The following ITPR2 variants were observed in gnomAD, a reference collection of about 807,000 sequenced individuals.
ITPR2 encodes the protein inositol 1,4,5-trisphosphate-gated calcium channel ITPR2.
ITPR2 carries 207 observed loss-of-function variants against 317.1 expected under a neutral mutation model. That is an observed-to-expected ratio of 0.65 (90% CI 0.58 to 0.73). The LOEUF (loss-of-function observed/expected upper bound fraction) is 0.73. Among genes scored for constraint, ITPR2 ranks in the 30% least tolerant of loss-of-function variants. The pLI is 0.00. For synonymous variants in ITPR2, 1,156 were observed against 1,149.1 expected (o/e 1.01, Z -0.12); for missense variants, 2,613 against 3,284.0 (o/e 0.80, Z 4.99).
At chr12:26,697,835 A>T (rs1347015244) in intron 9 of ITPR2, among the ~76,000 whole-genome samples, 2 of 151,022 alleles carry the variant, frequency 1.3e-5, no homozygotes, top group Non-Finnish European at 1.5e-5. Flanking sequence ...CTAAAATAAC[A>T]ATATAAATAA....
At chr12:26,670,067 A>C (rs1005308238) in intron 13 of ITPR2, among the ~76,000 whole-genome samples, 1 of 152,230 alleles carries the variant, frequency 6.6e-6, no homozygotes, top group African/African-American at 2.4e-5. Flanking sequence ...GGTGAAGCCC[A>C]CCACAGCTCA....
chr12:26,645,474 G>A (rs1432394979), intron 21 of ITPR2, among the ~76,000 whole-genome samples: 4 of 152,164 alleles, frequency 2.6e-5, no homozygotes, highest in Non-Finnish European at 5.9e-5. Context: ...GTAAGTGTGG[G>A]GAACATGGTA....
intron 2 of ITPR2, among the ~76,000 whole-genome samples, chr12:26,768,200 C>T (rs1330540966): frequency 6.7e-6 from 1 of 148,894 alleles, no homozygotes; most frequent in African/African-American, 2.5e-5. Flanking sequence ...TGTAACAAAC[C>T]TGCATATTAT....
chr12:26,405,544 C>T (rs1427131685), intron 52 of ITPR2, among the ~76,000 whole-genome samples: 1 of 152,070 alleles, frequency 6.6e-6, no homozygotes, highest in Non-Finnish European at 1.5e-5. Context: ...TGAAATAGTT[C>T]CCTCTAATCT....
chr12:26,546,034 T>C (rs564014996), intron 37 of ITPR2, among the ~76,000 whole-genome samples: 1 of 152,240 alleles, frequency 6.6e-6, no homozygotes, highest in Non-Finnish European at 1.5e-5. Flanking sequence ...TTGCTTTAGC[T>C]ATAATTTTTT....
At chr12:26,541,855 G>A (rs1944271062) in intron 37 of ITPR2, among the ~76,000 whole-genome samples, 2 of 151,498 alleles carry the variant, frequency 1.3e-5, no homozygotes, top group Admixed American at 1.3e-4. Flanking sequence ...TAAATTTCTT[G>A]TTAACTCAGG....
chr12:26,724,678 A>G lies in ITPR2; in HGVS notation c.344T>C (p.Val115Ala). 1 of 1,595,742 alleles carries G rather than the reference A, an allele frequency of 6.3e-7. No individual in the cohort carries two copies. Among genetic ancestry groups the G allele is most frequent in the African/African-American group, 1.3e-5 (1 of 74,736 alleles). Residue 115 changes from valine (V) to alanine (A), a missense_variant, in exon 4 of 57, where the codon GTA becomes GCA. By Grantham distance (64) the Val-to-Ala change is moderately conservative. Around this residue, in one of 9 missense-constraint regions of ITPR2, gnomAD observed 515 missense variants for 789.4 expected, o/e 0.65. Transcript: ENST00000381340. ...SENKKLLGEI[V>A]KYSNVIQLLH... is the part of the protein sequence containing the mutation. ...TACTTGTATAACATTACTGTATTTT[A>G]CAATTTCTCCCAACAGTTTCTTATT...
chr12:26,735,751 T>C (rs1949109681), intron 2 of ITPR2, among the ~76,000 whole-genome samples: 1 of 152,258 alleles, frequency 6.6e-6, no homozygotes, highest in African/African-American at 2.4e-5. Flanking sequence ...AAACATATCC[T>C]GTGGTCAAGA....
intron 11 of ITPR2, among the ~76,000 whole-genome samples, chr12:26,683,056 A>G (rs1948065695): frequency 6.6e-6 from 1 of 152,232 alleles, no homozygotes; most frequent in Non-Finnish European, 1.5e-5. Flanking sequence ...TTGATCAAAT[A>G]GCCAACTCAG....
chr12:26,722,337 T>G, intron 5 of ITPR2, 60 bp downstream of exon 5: 2 of 1,427,128 alleles, frequency 1.4e-6, no homozygotes, highest in Non-Finnish European at 1.9e-6. Flanking sequence ...ATTATCTTAC[T>G]TATTAGGAAT....
intron 43 of ITPR2, among the ~76,000 whole-genome samples, chr12:26,479,162 A>G (rs1942489674): frequency 6.6e-6 from 1 of 150,380 alleles, no homozygotes; most frequent in Non-Finnish European, 1.5e-5. Context: ...AAAAAAAACT[A>G]TACTTTAAAT....
chr12:26,566,787 T>C (rs1311337202), intron 34 of ITPR2, among the ~76,000 whole-genome samples: 1 of 152,148 alleles, frequency 6.6e-6, no homozygotes, highest in Non-Finnish European at 1.5e-5. Flanking sequence ...AAGCATGCAA[T>C]ATCTCTGTTT....
intron 37 of ITPR2, among the ~76,000 whole-genome samples, chr12:26,520,121 T>C (rs752653311): frequency 3.3e-5 from 5 of 152,220 alleles, no homozygotes; most frequent in Admixed American, 2.6e-4. Context: ...AAATGTAAAA[T>C]AACTTTTAAT....
In ITPR2 at chr12:26,722,459, C is replaced by G. The variant is rs1435712429; in HGVS notation, c.463G>C (p.Gly155Arg). 5 of 1,613,172 alleles carry G rather than the reference C, an allele frequency of 3.1e-6. No individual in the cohort carries two copies. The highest frequency in any genetic ancestry group is 4.2e-6 in the Non-Finnish European group (5 of 1,179,494). ...ATATAAAACCAAGACCCTTCATTTCCTGCAGCATCCAAGGACACACGCATG... is the reference window on the plus strand; with the variant it reads ...ATATAAAACCAAGACCCTTCATTTCGTGCAGCATCCAAGGACACACGCATG... ...NAMRVSLDAAGNEGSWFYIHP... is the reference protein window; with the variant it reads ...NAMRVSLDAARNEGSWFYIHP... The change falls in exon 5 of 57, where the codon GGA becomes CGA. Residue 155 changes from glycine to arginine, a missense_variant. By Grantham distance (125) the Gly-to-Arg change is moderately radical. This residue lies in a region of ITPR2 where 515 missense variants were observed against 789.4 expected (regional missense o/e 0.65). Coordinates refer to ENST00000381340, the MANE Select transcript of ITPR2 (RefSeq NM_002223.4).
intron 55 of ITPR2, among the ~76,000 whole-genome samples, chr12:26,344,505 T>C (rs1403354360): frequency 2.0e-5 from 3 of 152,182 alleles, no homozygotes; most frequent in African/African-American, 7.2e-5. Context: ...TGAGCATTTG[T>C]AAAGTTGCCT....
At chr12:26,715,621 AGAGT>A in intron 7 of ITPR2, 127 bp downstream of exon 7, 2 of 762,730 alleles carry the variant, frequency 2.6e-6, no homozygotes, top group Non-Finnish European at 4.2e-6. Flanking sequence ...TAAAACACTT[AGAGT>A]AAGTATTAAC....
At chr12:26,401,832 T>C (rs993637482) in intron 52 of ITPR2, among the ~76,000 whole-genome samples, 3 of 152,224 alleles carry the variant, frequency 2.0e-5, no homozygotes, top group African/African-American at 4.8e-5. Context: ...GATCCTGATA[T>C]TTTTACTTTC....
intron 15 of ITPR2, among the ~76,000 whole-genome samples, chr12:26,663,436 C>A (rs1353701987): frequency 6.6e-6 from 1 of 152,174 alleles, no homozygotes; most frequent in East Asian, 1.9e-4. Context: ...CACCAGGAAC[C>A]AATAACAGGC....
intron 45 of ITPR2, among the ~76,000 whole-genome samples, chr12:26,464,311 G>A (rs965346973): frequency 6.6e-6 from 1 of 152,190 alleles, no homozygotes; most frequent in South Asian, 2.1e-4. Flanking sequence ...GGTCCCATCT[G>A]GGGGTGAACA....
Sources: gnomAD v4.1 joint callset for allele counts (sites outside exome capture counted in the v4.1 genomes callset) on GRCh38, gnomAD v4.1.1 for gene constraint, gnomAD v4.1.1 regional missense constraint, MANE v1.5 for transcripts, NCBI Gene and HGNC (gene_info 2026-07-23, HGNC 2026-07-21) for gene names.